Variants in EFCAB8 observed in about 807,000 individuals in gnomAD.
EFCAB8 encodes EF-hand calcium binding domain 8.
A neutral mutation model predicts 116.3 loss-of-function variants in EFCAB8; 100 were observed. That is an observed-to-expected ratio of 0.86 (90% CI 0.73 to 1.02). The LOEUF (loss-of-function observed/expected upper bound fraction) is 1.02. EFCAB8 is among the 50% of genes least tolerant of loss of function. The pLI is 0.00. For missense variants in EFCAB8, 1,320 were observed against 1,416.9 expected, an observed-to-expected ratio of 0.93 and a Z score of 1.10; for synonymous variants, 558 against 567.9, an observed-to-expected ratio of 0.98 and a Z score of 0.25.
At chr20:32,886,019 C>T (rs1985608892) in intron 6 of EFCAB8, among the ~76,000 whole-genome samples, 1 of 152,234 alleles carries the variant, frequency 6.6e-6, no homozygotes. Context: ...GTCCCCACGT[C>T]CTACCGATTC....
chr20:32,880,616 C>T (rs928402911), intron 5 of EFCAB8, among the ~76,000 whole-genome samples: 2 of 152,034 alleles, frequency 1.3e-5, no homozygotes, highest in African/African-American at 4.8e-5. Flanking sequence ...GAGAAATAAC[C>T]AATAAATATG....
rs377629841 is a variant in EFCAB8 at position 32,911,585 on chromosome 20, G to A, written c.1663G>A (p.Ala555Thr). Residue 555 changes from alanine to threonine, a missense_variant, in exon 16 of 27, where the codon GCC becomes ACC. Transcript: ENST00000400522. ...VSGGQHVEMT[A>T]MALDESERCL... Reference sequence around the variant, plus strand: ...TGGGGGCCAGCACGTGGAGATGACCGCCATGGCCCTGGATGAGTCAGAGCG... The same window carrying A: ...TGGGGGCCAGCACGTGGAGATGACCACCATGGCCCTGGATGAGTCAGAGCG... 1.7e-5 allele frequency: 27 copies of A among 1,549,082 alleles called. No homozygotes were observed. In the African/African-American group the frequency reaches 1.8e-4, roughly 10 times the overall value.
intron 14 of EFCAB8, 115 bp from the exon 15 acceptor site, chr20:32,909,706 C>A (rs559093377): frequency 3.8e-5 from 17 of 451,486 alleles, no homozygotes; most frequent in Admixed American, 2.2e-4. Flanking sequence ...ATCAGGCCTG[C>A]GTGTGGTCAG....
At chr20:32,923,852 G>T (rs534729294) in intron 20 of EFCAB8, among the ~76,000 whole-genome samples, 1 of 152,162 alleles carries the variant, frequency 6.6e-6, no homozygotes, top group Non-Finnish European at 1.5e-5. Flanking sequence ...TGCTGCCGCT[G>T]GGTTTTGCCT....
At position 32,961,242 on chromosome 20, in the gene EFCAB8, G is replaced by A. The variant is rs1223998967; in HGVS notation, c.3500G>A (p.Arg1167His). 5.2e-6 allele frequency: 8 copies of A among 1,551,514 alleles called. No individual in the cohort carries two copies. In the African/African-American group the frequency reaches 5.5e-5, roughly 11 times the overall value. ...CCAGACCAGCAAGACCAGCACATCC[G>A]CCTGGTGGCCCACCATGTCCAGAAG... ...RGPDQQDQHI[R>H]LVAHHVQKDL... Residue 1167 changes from arginine to histidine, a missense_variant, in exon 27 of 27, where the codon CGC becomes CAC. Arg to His is a conservative substitution (Grantham distance 29). Transcript: ENST00000400522.
In EFCAB8 at chr20:32,870,431, C is replaced by T. The variant is rs1984629164; in HGVS notation, c.208+2684C>T. Among the ~76,000 whole-genome samples the T allele has an allele frequency of 2.0e-5, 3 of 152,268 alleles. No individual in the cohort carries two copies. In the South Asian group the frequency reaches 6.2e-4, roughly 32 times the overall value. ...TTTGATATACAGAGAAAATGTTTTTCTCCCCCACCACCCATGTGCCCAGGT... is the reference window on the plus strand; with the variant it reads ...TTTGATATACAGAGAAAATGTTTTTTTCCCCCACCACCCATGTGCCCAGGT... On this transcript the variant is annotated intron_variant, in intron 3 of 26. Transcript: ENST00000400522.
intron 23 of EFCAB8, among the ~76,000 whole-genome samples, chr20:32,946,235 A>G (rs1167016457): frequency 6.6e-6 from 1 of 152,180 alleles, no homozygotes. Context: ...TTAATCATGC[A>G]GCCCTCTGAA....
chr20:32,896,765 G>T (rs58684353), intron 10 of EFCAB8, among the ~76,000 whole-genome samples: 4,902 of 152,230 alleles, frequency 0.032, 233 homozygotes, highest in African/African-American at 0.1. Flanking sequence ...GGCCGACACC[G>T]CCTCGCTCCT....
intron 14 of EFCAB8, 75 bp downstream of exon 14, chr20:32,908,487 C>G: frequency 2.4e-6 from 3 of 1,243,076 alleles, no homozygotes; most frequent in African/African-American, 1.6e-5. Context: ...ATGGGACACC[C>G]AAGGGGTGGC....
intron 20 of EFCAB8, among the ~76,000 whole-genome samples, chr20:32,922,201 A>G (rs531199388): frequency 2.0e-5 from 3 of 152,318 alleles, no homozygotes; most frequent in South Asian, 2.1e-4. Flanking sequence ...CTGGTCCTCT[A>G]TGAATAGGTC....
intron 22 of EFCAB8, among the ~76,000 whole-genome samples, chr20:32,936,104 C>T (rs537370536): frequency 6.6e-6 from 1 of 152,154 alleles, no homozygotes; most frequent in East Asian, 1.9e-4. Flanking sequence ...GCAATCTCAG[C>T]TCACTGCAAC....
intron 2 of EFCAB8, among the ~76,000 whole-genome samples, chr20:32,864,955 G>A (rs1295326128): frequency 6.6e-6 from 1 of 152,164 alleles, no homozygotes; most frequent in Non-Finnish European, 1.5e-5. Flanking sequence ...TGCAGGGTAG[G>A]GACTGTGGCT....
Position 32,960,099 on chromosome 20 carries a change from G to T in EFCAB8, c.3331G>T (p.Glu1111Ter). ...CTTGGGAGCGGCGTATAAGCCCAAG[G>T]AACGCTTGCAGAATACCAGGTTCCT... ...KVLGAAYKPK[E>*]RLQNTRFLST... Residue 1111 changes from glutamate (E) to a stop codon, truncating the protein, a stop_gained, in exon 26 of 27, where the codon GAA becomes TAA. Coordinates refer to ENST00000400522, the MANE Select transcript of EFCAB8 (RefSeq NM_001143967.2). LOFTEE classifies it high-confidence loss of function. 6.4e-7 allele frequency: 1 copy of T among 1,551,704 alleles called. No individual in the cohort carries two copies. The highest frequency in any genetic ancestry group is 1.2e-5 in the South Asian group (1 of 84,056).
rs751123974 is a variant in EFCAB8 at position 32,951,362 on chromosome 20, G to A, written c.2960-7059G>A. Among the ~76,000 whole-genome samples, 25 of 152,216 alleles carry A rather than the reference G, an allele frequency of 1.6e-4. 1 individual carries two copies. The highest frequency in any genetic ancestry group is 2.4e-4 in the Non-Finnish European group (16 of 68,042). On this transcript the variant is annotated intron_variant, in intron 23 of 26. Coordinates refer to ENST00000400522, the MANE Select transcript of EFCAB8 (RefSeq NM_001143967.2). ...ATAAAACAGAATGAAGAATTGATAC[G>A]TTATACAACGTGGTTGGATCTCAAA... is the stretch of plus-strand genomic sequence containing the variant.
chr20:32,898,264 G>A (rs1986259238), intron 10 of EFCAB8: 3 of 470,844 alleles, frequency 6.4e-6, no homozygotes, highest in Non-Finnish European at 1.2e-5. Context: ...TCAAATGAAA[G>A]TAGGCTTGTG....
chr20:32,867,964 G>A (rs11167182), intron 3 of EFCAB8, among the ~76,000 whole-genome samples: 56,999 of 151,872 alleles, frequency 0.38, 12,792 homozygotes, highest in Middle Eastern at 0.52. Context: ...AGCCCCCAGA[G>A]TAGCTGGGAC....
intron 17 of EFCAB8, 179 bp from the exon 18 acceptor site, chr20:32,917,122 G>A: frequency 1.7e-6 from 1 of 598,172 alleles, no homozygotes; most frequent in East Asian, 2.8e-5. Flanking sequence ...TTTGTAGAAA[G>A]CATGTAGTAA....
chr20:32,909,512 C>A (rs1048249307), intron 14 of EFCAB8, among the ~76,000 whole-genome samples: 1 of 152,106 alleles, frequency 6.6e-6, no homozygotes, highest in Non-Finnish European at 1.5e-5. Context: ...GGGAGGGCTT[C>A]CCGGAGGGAA....
At position 32,961,302 on chromosome 20, in the gene EFCAB8, A is replaced by G; in HGVS notation, c.3560A>G (p.Asp1187Gly). The change falls in exon 27 of 27, where the codon GAT becomes GGT. Residue 1187 changes from aspartate to glycine, a missense_variant. Physicochemically the swap from Asp to Gly is moderately conservative, Grantham distance 94 (BLOSUM62 -1). Transcript: ENST00000400522. ...LVPSREQAVLDTTDSTPAAAS... is the reference protein window; with the variant it reads ...LVPSREQAVLGTTDSTPAAAS... ...CCCAGCAGGGAGCAGGCTGTGCTGG[A>G]TACCACGGACAGCACGCCTGCGGCC... 3 of 1,540,372 alleles carry G rather than the reference A, an allele frequency of 1.9e-6. No homozygotes were observed. Among genetic ancestry groups the G allele is most frequent in the Non-Finnish European group, 2.6e-6 (3 of 1,141,974 alleles).
Sources: gnomAD v4.1 joint callset for allele counts (sites outside exome capture counted in the v4.1 genomes callset) on GRCh38, gnomAD v4.1.1 for gene constraint, MANE v1.5 for transcripts, NCBI Gene and HGNC (gene_info 2026-07-23, HGNC 2026-07-21) for gene names.